Variants in CCDC50 observed in about 807,000 individuals in gnomAD.
CCDC50 encodes coiled-coil domain containing 50.
In CCDC50, 54 loss-of-function variants were observed where a neutral mutation model predicts 70.2. The ratio of observed to expected loss-of-function variants is 0.77; its 90% CI spans 0.62 to 0.96. The LOEUF (loss-of-function observed/expected upper bound fraction) is 0.96, where lower values mean the gene tolerates loss of function less well. Among genes scored for constraint, CCDC50 ranks in the 50% least tolerant of loss-of-function variants. The pLI is 0.00. For synonymous variants in CCDC50, 216 were observed against 198.8 expected (o/e 1.09, Z -0.73); for missense variants, 558 against 578.7 (o/e 0.96, Z 0.37).
chr3:191,362,313 CGAG>C (rs1712522109), intron 4 of CCDC50, among the ~76,000 whole-genome samples: 1 of 151,626 alleles, frequency 6.6e-6, no homozygotes. Context: ...TTTGTAGAGA[CGAG>C]GTCTCACTAT....
chr3:191,375,173 C>A lies in CCDC50; in HGVS notation c.560C>A (p.Pro187Gln), dbSNP rs1322744129. The change falls in exon 6 of 12, where the codon CCA (proline) becomes CAA (glutamine). Residue 187 changes from proline (P) to glutamine (Q), a missense_variant. By Grantham distance (76) the Pro-to-Gln change is moderately conservative (BLOSUM62 -1). Coordinates refer to ENST00000392455, the MANE Select transcript of CCDC50 (RefSeq NM_178335.3). Reference sequence around the variant, plus strand: ...CACAAGAAAGAGAAACCAGAACATCCACTGGAGAACTTGGAAGAGCCAGAA... The same window carrying A: ...CACAAGAAAGAGAAACCAGAACATCAACTGGAGAACTTGGAAGAGCCAGAA... The part of the protein sequence containing the change: ...VKHKKEKPEH[P>Q]LENLEEPEQH... The A allele has an allele frequency of 6.2e-7, 1 of 1,613,720 alleles. No individual in the cohort carries two copies. The highest frequency in any genetic ancestry group is 8.5e-7 in the Non-Finnish European group (1 of 1,179,790).
In CCDC50 at chr3:191,369,981, T is replaced by C. The variant is rs781151189; in HGVS notation, c.393T>C (p.Phe131=). 6.2e-7 allele frequency: 1 copy of C among 1,613,586 alleles called. No individual in the cohort carries two copies. Among genetic ancestry groups the C allele is most frequent in the Non-Finnish European group, 8.5e-7 (1 of 1,179,664 alleles). ...LQEEKKRKKH[F]PEFPATRAYA... ...AAGAGAAAAAGAGAAAGAAACACTTTCCAGAGTTCCCTGCAACCCGTGCTT... is the reference window on the plus strand; with the variant it reads ...AAGAGAAAAAGAGAAAGAAACACTTCCCAGAGTTCCCTGCAACCCGTGCTT... The change falls in exon 5 of 12, where the codon TTT becomes TTC. Residue 131 remains phenylalanine (F), a synonymous_variant. Coordinates refer to ENST00000392455, the MANE Select transcript of CCDC50 (RefSeq NM_178335.3).
At chr3:191,353,900 C>CT (rs1297956274) in intron 1 of CCDC50, among the ~76,000 whole-genome samples, 1 of 152,116 alleles carries the variant, frequency 6.6e-6, no homozygotes, top group Non-Finnish European at 1.5e-5. Flanking sequence ...CTCCTCATAT[C>CT]TTTTGGGTAC....
chr3:191,345,228 C>T (rs1450901175), intron 1 of CCDC50, among the ~76,000 whole-genome samples: 3 of 152,060 alleles, frequency 2.0e-5, no homozygotes, highest in Non-Finnish European at 1.5e-5. Flanking sequence ...TTGTTACTCC[C>T]AGCAAAAAAA....
chr3:191,381,244 A>G (rs933319941), intron 9 of CCDC50, among the ~76,000 whole-genome samples: 3 of 152,162 alleles, frequency 2.0e-5, no homozygotes, highest in African/African-American at 4.8e-5. Flanking sequence ...AGAAGAATAT[A>G]GCATTTTCAC....
rs560385357 is a variant in CCDC50 at position 191,397,102 on chromosome 3, A to C, written c.*5342A>C. On this transcript the variant is annotated 3_prime_UTR_variant, in exon 12 of 12. Coordinates refer to ENST00000392455, the MANE Select transcript of CCDC50 (RefSeq NM_178335.3). ...TTCATTGCTGAGGTTCATATAAAGA[A>C]TAGAAAAATTGAAAGATGGGTTTGG... is the stretch of plus-strand genomic sequence containing the variant. 5.9e-5 allele frequency: 9 copies of C among 152,344 alleles called. No homozygotes were observed. Among genetic ancestry groups the C allele is most frequent in the Admixed American group, 2.0e-4 (3 of 15,294 alleles). 9.4% of individuals were successfully genotyped at this position (152,344 alleles called of 1,614,324 possible). A position where few individuals can be genotyped will look rare whatever the true frequency, so the allele number is the denominator to read the frequency against.
intron 10 of CCDC50, among the ~76,000 whole-genome samples, chr3:191,383,822 T>G (rs940477094): frequency 2.6e-5 from 4 of 152,180 alleles, no homozygotes; most frequent in African/African-American, 9.6e-5. Context: ...TGTTGTAGCT[T>G]TTGGTTAAGC....
In CCDC50 at chr3:191,329,414, T is replaced by TCC. The variant is rs1717860584; in HGVS notation, c.-261_-260insCC. ...GGTCCATTTCCGGGCTCCGGATATT[T>TCC]GGTATCGATTGGGGCCGGGGACGCG... On this transcript the variant is annotated 5_prime_UTR_variant, in exon 1 of 12. Coordinates refer to ENST00000392455, the MANE Select transcript of CCDC50 (RefSeq NM_178335.3). 1 of 425,122 alleles carries TCC rather than the reference T, an allele frequency of 2.4e-6. No individual in the cohort carries two copies. The highest frequency in any genetic ancestry group is 4.1e-6 in the Non-Finnish European group (1 of 242,642). 26.3% of individuals were successfully genotyped at this position (425,122 alleles called of 1,614,324 possible).
chr3:191,391,699 G>T, intron 11 of CCDC50, 42 bp from the exon 12 acceptor site: 1 of 1,595,728 alleles, frequency 6.3e-7, no homozygotes, highest in Non-Finnish European at 8.6e-7. Context: ...AGTTTCAAAG[G>T]TTTTTCCTTA....
chr3:191,366,421 A>G (rs527511897), intron 4 of CCDC50, among the ~76,000 whole-genome samples: 1 of 152,130 alleles, frequency 6.6e-6, no homozygotes, highest in Non-Finnish European at 1.5e-5. Flanking sequence ...GTGAGATACA[A>G]TGGTAAACTC....
intron 4 of CCDC50, among the ~76,000 whole-genome samples, chr3:191,364,074 A>AT (rs11423385): frequency 0.2 from 29,545 of 144,480 alleles, 2,961 homozygotes; most frequent in East Asian, 0.3. Flanking sequence ...CTTAGTTCTT[A>AT]TTTTTTTTTT....
chr3:191,375,685 CT>C, intron 6 of CCDC50, 96 bp downstream of exon 6: 2 of 1,271,354 alleles, frequency 1.6e-6, no homozygotes, highest in East Asian at 2.5e-5. Context: ...TTCTTTCTCT[CT>C]AGTTCATGCT....
chr3:191,381,341 G>A (rs1713312579), intron 9 of CCDC50, among the ~76,000 whole-genome samples: 1 of 151,914 alleles, frequency 6.6e-6, no homozygotes, highest in Admixed American at 6.6e-5. Context: ...TCATGTATCC[G>A]TTTCTCTTTC....
chr3:191,374,145 T>G (rs908929188), intron 5 of CCDC50, among the ~76,000 whole-genome samples: 1 of 152,110 alleles, frequency 6.6e-6, no homozygotes, highest in East Asian at 1.9e-4. Flanking sequence ...TCTTATAAAG[T>G]GCATATGCAT....
intron 5 of CCDC50, among the ~76,000 whole-genome samples, chr3:191,374,205 AAG>A (rs1265579876): frequency 1.3e-5 from 2 of 152,178 alleles, no homozygotes; most frequent in African/African-American, 4.8e-5. Context: ...AGACCTGAAA[AAG>A]AATTATTTTT....
intron 11 of CCDC50, among the ~76,000 whole-genome samples, chr3:191,390,091 C>CCCTCTG (rs1481438471): frequency 1.1e-4 from 17 of 152,042 alleles, no homozygotes; most frequent in East Asian, 7.7e-4. Context: ...CTCAAGTAAT[C>CCCTCTG]CCTCTGCCTC....
chr3:191,356,653 A>T (rs1176738109), intron 1 of CCDC50, among the ~76,000 whole-genome samples: 1 of 152,254 alleles, frequency 6.6e-6, no homozygotes, highest in Admixed American at 6.5e-5. Context: ...TCTGAACCAC[A>T]GGGAAGCATA....
chr3:191,382,628 A>G (rs894443912), intron 9 of CCDC50, 118 bp from the exon 10 acceptor site: 1 of 686,810 alleles, frequency 1.5e-6, no homozygotes, highest in African/African-American at 1.8e-5. Context: ...ATCTGAAATT[A>G]CTAAGGAAGA....
At chr3:191,330,488 C>CT (rs906179868) in intron 1 of CCDC50, 20 of 152,126 alleles carry the variant, frequency 1.3e-4, no homozygotes, top group African/African-American at 3.9e-4. Flanking sequence ...CAGGACCTAG[C>CT]TTTTTTTTGC....
Sources: allele counts gnomAD v4.1 joint callset (sites outside exome capture counted in the v4.1 genomes callset), GRCh38; gene constraint gnomAD v4.1.1; transcripts MANE v1.5; gene names NCBI Gene and HGNC (gene_info 2026-07-23, HGNC 2026-07-21).